Variants in ZBTB20 observed in about 807,000 individuals in gnomAD.
The protein encoded by ZBTB20 is zinc finger and BTB domain-containing protein 20.
A neutral mutation model predicts 56.9 loss-of-function variants in ZBTB20; 9 were observed. The observed-to-expected ratio is 0.16, with a 90% CI of 0.10 to 0.28. The LOEUF (loss-of-function observed/expected upper bound fraction) is 0.28. Ranked by LOEUF, ZBTB20 falls within the 10% of genes least tolerant of loss-of-function variation. The pLI is 1.00. For synonymous variants in ZBTB20, 417 were observed against 420.7 expected (o/e 0.99, Z 0.11); for missense variants, 655 against 1,003.0 (o/e 0.65, Z 4.69).
rs111753131 is a variant in ZBTB20, at chr3:114,996,928, G to A, written c.-506-22512C>T. 4.2e-3 allele frequency among the ~76,000 whole-genome samples: 634 copies of A among 151,930 alleles called. 6 individuals carry two copies. The highest frequency in any genetic ancestry group is 0.014 in the African/African-American group (592 of 41,508). On this transcript the variant is annotated intron_variant, in intron 2 of 11. Coordinates refer to ENST00000675478, the MANE Select transcript of ZBTB20 (RefSeq NM_001348800.3). ...TAGAGAAATGCAAATCAAAACCACA[G>A]TAAGATACCATCTCATGCCAGTTAG...
At chr3:114,619,479 T>C (rs2058167885) in intron 6 of ZBTB20, among the ~76,000 whole-genome samples, 1 of 152,180 alleles carries the variant, frequency 6.6e-6, no homozygotes, top group Admixed American at 6.5e-5. Context: ...GCATGTTTTA[T>C]TATACACAAT....
chr3:115,093,168 A>C (rs1052606504), intron 1 of ZBTB20, among the ~76,000 whole-genome samples: 29 of 152,154 alleles, frequency 1.9e-4, no homozygotes, highest in Non-Finnish European at 3.4e-4. Flanking sequence ...ATATTGATTA[A>C]TACCTCCTGA....
chr3:114,928,923 T>C (rs2076255681), intron 3 of ZBTB20, among the ~76,000 whole-genome samples: 1 of 152,226 alleles, frequency 6.6e-6, no homozygotes, highest in South Asian at 2.1e-4. Flanking sequence ...TGGAATTACA[T>C]TCACTCAGAT....
At chr3:114,651,572 A>G (rs1336202071) in intron 6 of ZBTB20, among the ~76,000 whole-genome samples, 1 of 144,136 alleles carries the variant, frequency 6.9e-6, no homozygotes, top group African/African-American at 2.7e-5. Context: ...AAAAAAAAAA[A>G]GGAAAAACGA....
At chr3:114,592,082 T>C (rs1400144123) in intron 6 of ZBTB20, among the ~76,000 whole-genome samples, 1 of 152,186 alleles carries the variant, frequency 6.6e-6, no homozygotes, top group Non-Finnish European at 1.5e-5. Context: ...GTAGTCTAGA[T>C]TATCAAGCCA....
intron 2 of ZBTB20, among the ~76,000 whole-genome samples, chr3:114,977,148 C>G (rs961691246): frequency 1.3e-5 from 2 of 152,194 alleles, no homozygotes; most frequent in African/African-American, 4.8e-5. Context: ...TACATGCTGT[C>G]TGACTCCATC....
intron 3 of ZBTB20, among the ~76,000 whole-genome samples, chr3:114,905,328 A>C (rs1176345813): frequency 6.6e-6 from 1 of 151,964 alleles, no homozygotes; most frequent in Admixed American, 6.6e-5. Flanking sequence ...AGAAAATGTG[A>C]AAATTTTACT....
chr3:114,597,215 C>T (rs538692079), intron 6 of ZBTB20, among the ~76,000 whole-genome samples: 1 of 152,144 alleles, frequency 6.6e-6, no homozygotes, highest in Non-Finnish European at 1.5e-5. Flanking sequence ...AAGTAGTGAC[C>T]CCTAGTGGGT....
chr3:114,610,054 A>ACAG (rs758380950), intron 6 of ZBTB20, among the ~76,000 whole-genome samples: 92 of 152,114 alleles, frequency 6.0e-4, no homozygotes, highest in Non-Finnish European at 1.2e-3. Flanking sequence ...CATGGCAATC[A>ACAG]CAGCAGCAGC....
chr3:114,957,471 C>A (rs1317264626), intron 3 of ZBTB20, among the ~76,000 whole-genome samples: 1 of 152,060 alleles, frequency 6.6e-6, no homozygotes, highest in Admixed American at 6.6e-5. Flanking sequence ...GATTTAAATG[C>A]ATTTATCTCT....
chr3:115,108,415 G>A (rs547705850), intron 1 of ZBTB20, among the ~76,000 whole-genome samples: 1 of 152,260 alleles, frequency 6.6e-6, no homozygotes, highest in African/African-American at 2.4e-5. Context: ...TAAAAAATGA[G>A]TAACAATTTG....
intron 9 of ZBTB20, 63 bp downstream of exon 9, chr3:114,380,714 G>T: frequency 6.9e-7 from 1 of 1,457,214 alleles, no homozygotes; most frequent in African/African-American, 1.4e-5. Flanking sequence ...ATCCAAGAAA[G>T]CATCCCTCTT....
At chr3:114,464,488 C>T (rs534885060) in intron 7 of ZBTB20, among the ~76,000 whole-genome samples, 31 of 152,272 alleles carry the variant, frequency 2.0e-4, no homozygotes, top group Non-Finnish European at 4.1e-4. Context: ...AACTTAAAGC[C>T]AGCTACCCAT....
intron 6 of ZBTB20, among the ~76,000 whole-genome samples, chr3:114,606,323 C>A (rs1249908922): frequency 1.3e-5 from 2 of 152,058 alleles, no homozygotes; most frequent in Non-Finnish European, 2.9e-5. Flanking sequence ...TGCTGCACAC[C>A]CCTGCTTGTT....
chr3:114,488,309 G>C (rs1343578565), intron 7 of ZBTB20, among the ~76,000 whole-genome samples: 3 of 152,206 alleles, frequency 2.0e-5, no homozygotes, highest in Non-Finnish European at 2.9e-5. Flanking sequence ...AAACCTGTTA[G>C]ACGGCTCATT....
At chr3:114,378,527 C>T (rs778450413) in intron 10 of ZBTB20, among the ~76,000 whole-genome samples, 6 of 152,230 alleles carry the variant, frequency 3.9e-5, no homozygotes, top group Non-Finnish European at 8.8e-5. Context: ...CCAGAGGATG[C>T]TTATGATAAA....
chr3:114,514,795 A>G (rs185440717), intron 6 of ZBTB20, among the ~76,000 whole-genome samples: 1 of 152,180 alleles, frequency 6.6e-6, no homozygotes, highest in Non-Finnish European at 1.5e-5. Context: ...GAATAAATCG[A>G]TAATCTTAAG....
At chr3:115,022,235 T>C (rs1299080390) in intron 2 of ZBTB20, among the ~76,000 whole-genome samples, 1 of 150,930 alleles carries the variant, frequency 6.6e-6, no homozygotes, top group Non-Finnish European at 1.5e-5. Context: ...TTTAGTTATT[T>C]AATAACATAT....
intron 5 of ZBTB20, among the ~76,000 whole-genome samples, chr3:114,770,850 T>TTGAG (rs980584401): frequency 1.3e-5 from 2 of 152,248 alleles, no homozygotes; most frequent in Admixed American, 1.3e-4. Flanking sequence ...TACTTACCAG[T>TTGAG]TGAGTACCCC....
Sources: gnomAD v4.1 joint callset for allele counts (sites outside exome capture counted in the v4.1 genomes callset) on GRCh38, gnomAD v4.1.1 for gene constraint, MANE v1.5 for transcripts, NCBI Gene and HGNC (gene_info 2026-07-23, HGNC 2026-07-21) for gene names.